MDN1: variants seen among roughly 807,000 people sequenced by gnomAD.
MDN1 encodes the protein midasin.
MDN1 carries 266 observed loss-of-function variants against 669.2 expected under a neutral mutation model. The observed-to-expected ratio is 0.40, with a 90% CI of 0.36 to 0.44. The LOEUF is 0.44. Ranked by LOEUF, MDN1 falls within the 20% of genes least tolerant of loss-of-function variation. The probability of loss-of-function intolerance (pLI) is 1.00; values close to 1 mark genes in which losing one functional copy is unlikely to be tolerated. For missense variants in MDN1, 5,940 were observed against 6,754.0 expected (o/e 0.88, Z 4.22); for synonymous variants, 2,385 against 2,457.1 (o/e 0.97, Z 0.87).
intron 65 of MDN1, among the ~76,000 whole-genome samples, chr6:89,689,479 A>C (rs980605359): frequency 3.3e-5 from 5 of 152,210 alleles, no homozygotes; most frequent in African/African-American, 1.2e-4. Context: ...ATATTCTACA[A>C]GATTGGTTGC....
chr6:89,700,378 C>T (rs1347101720), intron 56 of MDN1, 84 bp from the exon 57 acceptor site: 5 of 1,094,384 alleles, frequency 4.6e-6, no homozygotes, highest in Non-Finnish European at 6.8e-6. Context: ...TATGTGACTG[C>T]AAGCTTAACT....
intron 27 of MDN1, 80 bp downstream of exon 27, chr6:89,747,249 A>G: frequency 6.6e-7 from 1 of 1,520,152 alleles, no homozygotes; most frequent in Non-Finnish European, 8.9e-7. Flanking sequence ...ATCAATCACA[A>G]TTTGAGGCAA....
chr6:89,793,284 T>TA (rs1819377024), intron 5 of MDN1, among the ~76,000 whole-genome samples: 1 of 152,246 alleles, frequency 6.6e-6, no homozygotes, highest in South Asian at 2.1e-4. Context: ...GCCTTTGAAT[T>TA]ACATCAACAT....
At chr6:89,771,852 A>G (rs923086015) in intron 14 of MDN1, among the ~76,000 whole-genome samples, 1 of 152,064 alleles carries the variant, frequency 6.6e-6, no homozygotes, top group African/African-American at 2.4e-5. Context: ...GACTACAGGC[A>G]TATACAACCA....
intron 62 of MDN1, among the ~76,000 whole-genome samples, chr6:89,693,694 C>T (rs901825150): frequency 7.2e-5 from 11 of 152,170 alleles, no homozygotes; most frequent in Non-Finnish European, 1.0e-4. Context: ...AGAAAAAAAA[C>T]GAACCCCAAA....
intron 83 of MDN1, among the ~76,000 whole-genome samples, chr6:89,669,712 G>A (rs1810500812): frequency 6.6e-6 from 1 of 152,092 alleles, no homozygotes; most frequent in Admixed American, 6.6e-5. Context: ...TTTTACAAAT[G>A]AGGAAACTGA....
rs1336312579 is a variant in MDN1, at chr6:89,718,569, G to T, written c.6380C>A (p.Ala2127Glu). Residue 2127 changes from alanine to glutamate, a missense_variant, in exon 43 of 102, where the codon GCA becomes GAA. This residue lies in a region of MDN1 where 2,292 missense variants were observed against 2,638.3 expected (regional missense o/e 0.87). Transcript: ENST00000369393. ...GATAAGGAGGCTATCCCTTAACAGT[G>T]CCCTTACAGTTCCCTCCACCTTCTC... ...LLEKVEGTVRALLRDSLLISA... is the reference protein window; with the variant it reads ...LLEKVEGTVRELLRDSLLISA... The T allele has an allele frequency of 6.2e-7, 1 of 1,614,106 alleles. No individual in the cohort carries two copies. The highest frequency in any genetic ancestry group is 2.2e-5 in the East Asian group (1 of 44,874).
chr6:89,713,945 A>G (rs903330420), intron 46 of MDN1, among the ~76,000 whole-genome samples: 3 of 151,854 alleles, frequency 2.0e-5, no homozygotes, highest in African/African-American at 7.3e-5. Context: ...AGGCTGAGGC[A>G]GAAGAATGGC....
intron 84 of MDN1, among the ~76,000 whole-genome samples, chr6:89,667,410 C>A (rs1739199689): frequency 6.6e-6 from 1 of 152,032 alleles, no homozygotes; most frequent in South Asian, 2.1e-4. Context: ...TTTTTAATAA[C>A]TATAAAATTA....
At chr6:89,656,658 C>T in intron 91 of MDN1, 42 bp downstream of exon 91, 2 of 1,172,772 alleles carry the variant, frequency 1.7e-6, no homozygotes, top group Non-Finnish European at 2.4e-6. Flanking sequence ...TCTTTTTCTA[C>T]ATGCTGCCTT....
intron 1 of MDN1, among the ~76,000 whole-genome samples, chr6:89,805,034 C>CAAAAAAAAAAAAAAAAAAA (rs34538984): frequency 1.7e-5 from 1 of 58,520 alleles, no homozygotes; most frequent in Non-Finnish European, 2.9e-5. Flanking sequence ...GACTCCGTCT[C>CAAAAAAAAAAAAAAAAAAA]AAAAAAAAAA....
chr6:89,759,084 C>CT (rs1200306109), intron 17 of MDN1, 124 bp from the exon 18 acceptor site: 1 of 895,626 alleles, frequency 1.1e-6, no homozygotes, highest in Non-Finnish European at 1.7e-6. Flanking sequence ...TGGGCCTATA[C>CT]TTTAACTGGC....
intron 88 of MDN1, among the ~76,000 whole-genome samples, chr6:89,660,041 C>T (rs1480356398): frequency 6.6e-6 from 1 of 152,130 alleles, no homozygotes; most frequent in Non-Finnish European, 1.5e-5. Context: ...GCATATGCCA[C>T]CACACCCAGC....
rs1422384462 is a variant in MDN1, at chr6:89,700,217, T to C, written c.8716A>G (p.Lys2906Glu). The change falls in exon 57 of 102, where the codon AAG becomes GAG. Residue 2906 changes from lysine (K) to glutamate (E), a missense_variant. Around this residue, in one of 5 missense-constraint regions of MDN1, gnomAD observed 2,292 missense variants for 2,638.3 expected, o/e 0.87. Coordinates refer to ENST00000369393, the MANE Select transcript of MDN1 (RefSeq NM_014611.3). ...GACAGGGAGGAAGCTTCATCATGCT[T>C]TTTCTCCAGAAAACCAAGTGAGAGT... ...KGLSLGFLEK[K>E]HDEASSLSHP... 1 of 1,614,042 alleles carries C rather than the reference T, an allele frequency of 6.2e-7. No homozygotes were observed. Among genetic ancestry groups the C allele is most frequent in the African/African-American group, 1.3e-5 (1 of 74,916 alleles).
chr6:89,803,430 T>C lies in MDN1; in HGVS notation c.227A>G (p.Asn76Ser), dbSNP rs1192187374. The C allele has an allele frequency of 1.9e-6, 3 of 1,614,174 alleles. No homozygotes were observed. The highest frequency in any genetic ancestry group is 2.5e-6 in the Non-Finnish European group (3 of 1,180,032). Reference sequence around the variant, plus strand: ...GCCTCCAGCTTTAATGGCTTCGGCATTCCTTTCCAGCAAATCCAAAAGGAG... The same window carrying C: ...GCCTCCAGCTTTAATGGCTTCGGCACTCCTTTCCAGCAAATCCAAAAGGAG... ...RPLLLDLLER[N>S]AEAIKAGGQI... Residue 76 changes from asparagine to serine, a missense_variant, in exon 2 of 102, where the codon AAT becomes AGT. By Grantham distance (46) the Asn-to-Ser change is conservative. Around this residue, in one of 5 missense-constraint regions of MDN1, gnomAD observed 1,203 missense variants for 1,268.9 expected, o/e 0.95. Coordinates refer to ENST00000369393, the MANE Select transcript of MDN1 (RefSeq NM_014611.3).
Position 89,738,412 on chromosome 6 carries a change from G to A in MDN1, c.4637C>T (p.Pro1546Leu). Residue 1546 changes from proline (P) to leucine (L), a missense_variant, in exon 33 of 102, where the codon CCT becomes CTT. Around this residue, in one of 5 missense-constraint regions of MDN1, gnomAD observed 2,292 missense variants for 2,638.3 expected, o/e 0.87. Coordinates refer to ENST00000369393, the MANE Select transcript of MDN1 (RefSeq NM_014611.3). ...TAAATCTTCACGGCTTGTGCTTTGAGGGCACCATATTTCTGTAAACCGGTT... is the reference window on the plus strand; with the variant it reads ...TAAATCTTCACGGCTTGTGCTTTGAAGGCACCATATTTCTGTAAACCGGTT... ...LRNRFTEIWCPQSTSREDLIQ... is the reference protein window; with the variant it reads ...LRNRFTEIWCLQSTSREDLIQ... 1 of 1,614,004 alleles carries A rather than the reference G, an allele frequency of 6.2e-7. No individual in the cohort carries two copies. The highest frequency in any genetic ancestry group is 8.5e-7 in the Non-Finnish European group (1 of 1,179,972).
Position 89,718,519 on chromosome 6 carries a change from G to A in MDN1, c.6430C>T (p.Leu2144=). 6.2e-7 allele frequency: 1 copy of A among 1,614,078 alleles called. No individual in the cohort carries two copies. Among genetic ancestry groups the A allele is most frequent in the Non-Finnish European group, 8.5e-7 (1 of 1,180,004 alleles). ...LISADDAEVV[L]RAWSHFLLTY... is the part of the protein sequence containing the mutation. ...AGAAGAAAATGACTCCAGGCTCGCA[G>A]CACTACTTCTGCATCATCAGCACTG... The change falls in exon 43 of 102, where the codon CTG becomes TTG. Residue 2144 remains leucine, a synonymous_variant. Transcript: ENST00000369393.
chr6:89,661,565 TC>T lies in MDN1; in HGVS notation c.14578del (p.Glu4860LysfsTer26). 1 of 1,614,108 alleles carries T rather than the reference TC, an allele frequency of 6.2e-7. No individual in the cohort carries two copies. Among genetic ancestry groups the T allele is most frequent in the Non-Finnish European group, 8.5e-7 (1 of 1,180,008 alleles). On this transcript the variant is annotated frameshift_variant, in exon 88 of 102. Transcript: ENST00000369393. LOFTEE classifies it high-confidence loss of function. Reference protein sequence around the residue: ...NEQIDERDYDENEVDPYHGNQ... With the variant: ...NEQIDERDYDXNEVDPYHGNQ... ...GCCATGGTAAGGGTCCACCTCATTT[TC>T]ATCATAGTCCCTCTTTGGGACAATG... is the stretch of plus-strand genomic sequence containing the variant.
chr6:89,678,070 G>A (rs1434238637), intron 75 of MDN1, among the ~76,000 whole-genome samples: 2 of 152,184 alleles, frequency 1.3e-5, no homozygotes, highest in Non-Finnish European at 1.5e-5. Flanking sequence ...TCAGGAGATT[G>A]AGACCATCCT....
Sources: allele counts gnomAD v4.1 joint callset (sites outside exome capture counted in the v4.1 genomes callset), GRCh38; gene constraint gnomAD v4.1.1; regional missense constraint gnomAD v4.1.1; transcripts MANE v1.5; gene names NCBI Gene and HGNC (gene_info 2026-07-23, HGNC 2026-07-21).